ITGA7: variants seen among roughly 807,000 people sequenced by gnomAD.
ITGA7 encodes the protein integrin alpha-7.
ITGA7 carries 84 observed loss-of-function variants against 131.6 expected under a neutral mutation model. The ratio of observed to expected loss-of-function variants is 0.64; its 90% confidence interval spans 0.54 to 0.77. The LOEUF is 0.77. ITGA7 is among the 30% of genes least tolerant of loss of function. ITGA7 has a pLI of 0.00. For synonymous variants in ITGA7, 548 were observed against 600.7 expected, an observed-to-expected ratio of 0.91 and a Z score of 1.28; for missense variants, 1,399 against 1,482.9, an observed-to-expected ratio of 0.94 and a Z score of 0.93.
rs760573345 is a variant in ITGA7, at chr12:55,685,263, T to C, written c.3209A>G (p.His1070Arg). 5 of 1,614,126 alleles carry C rather than the reference T, an allele frequency of 3.1e-6. No individual in the cohort carries two copies. The highest frequency in any genetic ancestry group is 1.1e-5 in the South Asian group (1 of 91,088). Residue 1070 changes from histidine to arginine, a missense_variant, in exon 25 of 25, where the codon CAC becomes CGC. His to Arg is a conservative substitution (Grantham distance 29). Transcript: ENST00000257879. ...WKMGFFKRAK[H>R]PEATVPQYHA... Reference sequence around the variant, plus strand: ...GTACTGGGGCACGGTGGCCTCGGGGTGCTTCGCCCGTTTGAAGAATCCCAT... The same window carrying C: ...GTACTGGGGCACGGTGGCCTCGGGGCGCTTCGCCCGTTTGAAGAATCCCAT...
intron 5 of ITGA7, chr12:55,699,628 C>A: frequency 1.8e-6 from 1 of 566,274 alleles, no homozygotes; most frequent in Non-Finnish European, 3.2e-6. Flanking sequence ...TCTCATTCCA[C>A]CTGAATCTTC....
chr12:55,710,366 G>GA (rs374869765), upstream of ITGA7, among the ~76,000 whole-genome samples: 68 of 138,178 alleles, frequency 4.9e-4, no homozygotes, highest in African/African-American at 1.4e-3. Flanking sequence ...CAGAAAAAAA[G>GA]AAAAAAAAAA....
chr12:55,698,682 C>G (rs1873219955), intron 6 of ITGA7, 28 bp downstream of exon 6: 1 of 1,612,730 alleles, frequency 6.2e-7, no homozygotes, highest in Admixed American at 1.7e-5. Flanking sequence ...CAGCCTCCCT[C>G]AGGTGGCACG....
At chr12:55,700,544 C>A in intron 4 of ITGA7, 1 of 870,362 alleles carries the variant, frequency 1.1e-6, no homozygotes, top group Non-Finnish European at 1.8e-6. Context: ...CTGGGGTCCC[C>A]CAGATGTGGC....
At chr12:55,698,183 C>A (rs1873077962) in intron 7 of ITGA7, 157 bp from the exon 8 acceptor site, 2 of 847,722 alleles carry the variant, frequency 2.4e-6, no homozygotes, top group Non-Finnish European at 3.7e-6. Flanking sequence ...ATCCTCTTGG[C>A]CACTCCCTGC....
At chr12:55,703,722 G>A (rs1480907177) in intron 1 of ITGA7, among the ~76,000 whole-genome samples, 1 of 152,156 alleles carries the variant, frequency 6.6e-6, no homozygotes, top group Non-Finnish European at 1.5e-5. Flanking sequence ...CCTCATCAGG[G>A]ACCCAGCAAA....
rs764107944 is a variant in ITGA7 at position 55,703,100 on chromosome 12, C to CGGGCAAGCG, written c.276_284dup (p.Ala93_Pro95dup). On this transcript the variant is annotated inframe_insertion, in exon 2 of 25. Coordinates refer to ENST00000257879, the MANE Select transcript of ITGA7 (RefSeq NM_002206.3). ...AGCAGTCAGTCTCCTCCAGGCTCAA[C>CGGGCAAGCG]GGGCAAGCGAAGAGGCCTCCAGTGC... The CGGGCAAGCG allele has an allele frequency of 6.2e-7, 1 of 1,614,040 alleles. No individual in the cohort carries two copies. The highest frequency in any genetic ancestry group is 2.2e-5 in the East Asian group (1 of 44,856).
intron 3 of ITGA7, among the ~76,000 whole-genome samples, chr12:55,702,057 C>T (rs1057104753): frequency 6.6e-6 from 1 of 152,166 alleles, no homozygotes; most frequent in Non-Finnish European, 1.5e-5. Context: ...CTCTTGTCTC[C>T]CAGGCTAGGG....
intron 3 of ITGA7, 113 bp downstream of exon 3, chr12:55,702,759 A>G: frequency 2.3e-6 from 2 of 873,968 alleles, no homozygotes; most frequent in Non-Finnish European, 3.8e-6. Context: ...ACTTGGAATC[A>G]TACCATATTC....
intron 24 of ITGA7, among the ~76,000 whole-genome samples, chr12:55,687,487 C>CTTT (rs34640494): frequency 4.7e-4 from 28 of 59,604 alleles, no homozygotes; most frequent in Non-Finnish European, 6.2e-4. Flanking sequence ...CCATGCCCGG[C>CTTT]TTTTTTTTTT....
Position 55,697,465 on chromosome 12 carries a change from G to T in ITGA7, c.1491C>A (p.Gly497=). 4 of 1,613,986 alleles carry T rather than the reference G, an allele frequency of 2.5e-6. No homozygotes were observed. Among genetic ancestry groups the T allele is most frequent in the Non-Finnish European group, 3.4e-6 (4 of 1,179,976 alleles). The stretch of plus-strand genomic sequence containing the variant: ...TCCCACCTCACCAGACCGAGTGGCC[G>T]CCAGCACAGTTGGGCTGCTCCAGGT... The part of the protein sequence containing the change: ...SIDLEQPNCA[G]GHSVCVDLRV... Residue 497 remains glycine (G), a synonymous_variant, in exon 10 of 25, where the codon GGC becomes GGA. Transcript: ENST00000257879.
At chr12:55,714,936 C>T (rs1876408638), upstream of ITGA7, among the ~76,000 whole-genome samples, 1 of 146,536 alleles carries the variant, frequency 6.8e-6, no homozygotes, top group Admixed American at 6.9e-5. Context: ...TCTCGGCTCA[C>T]TGCAACCTCT....
rs762987922 is a variant in ITGA7 at position 55,697,216 on chromosome 12, C to T, written c.1567G>A (p.Ala523Thr). ...GCCACAGAGGGGGGACCGCACTCAC[C>T]CACAGTAGGGCTATAGCTGCTGGGG... ...AVPSSYSPTV[A>T]LDYVLDADTD... The change falls in exon 11 of 25, where the codon GCC becomes ACC. Residue 523 changes from alanine (A) to threonine (T), a missense_variant and splice_region_variant. Transcript: ENST00000257879. The T allele has an allele frequency of 6.3e-7, 1 of 1,596,642 alleles. No homozygotes were observed. The highest frequency in any genetic ancestry group is 1.8e-5 in the Admixed American group (1 of 56,458).
chr12:55,701,393 A>G, intron 3 of ITGA7: 1 of 1,551,830 alleles, frequency 6.4e-7, no homozygotes, highest in Non-Finnish European at 8.7e-7. Context: ...TTGCCCTCAA[A>G]TGGAGATCTC....
At chr12:55,688,716 C>A in intron 22 of ITGA7, 128 bp downstream of exon 22, 1 of 712,156 alleles carries the variant, frequency 1.4e-6, no homozygotes, top group Admixed American at 2.3e-5. Context: ...AAGGAAGACT[C>A]CGTCTCAAAA....
Position 55,693,209 on chromosome 12 carries a change from C to T in ITGA7, c.2644G>A (p.Glu882Lys), listed in dbSNP as rs144983062. ...GKWLLYPMQV[E>K]LEGGQGPGQK... ...CCAGGCCCCTGCCCGCCCTCCAGCT[C>T]AACCTGCATTGGGTACAGCAACCAC... The change falls in exon 20 of 25, where the codon GAG becomes AAG. Residue 882 changes from glutamate to lysine, a missense_variant. Coordinates refer to ENST00000257879, the MANE Select transcript of ITGA7 (RefSeq NM_002206.3). 3.6e-3 allele frequency: 5,765 copies of T among 1,614,078 alleles called. 33 individuals carry two copies. Among genetic ancestry groups the T allele is most frequent in the Middle Eastern group, 0.02 (119 of 6,060 alleles).
intron 21 of ITGA7, among the ~76,000 whole-genome samples, chr12:55,689,207 A>C (rs1870925943): frequency 6.6e-6 from 1 of 152,212 alleles, no homozygotes; most frequent in South Asian, 2.1e-4. Context: ...AGTGATGCTT[A>C]TGTTACCTAA....
In ITGA7 at chr12:55,694,493, G is replaced by A. The variant is rs781670676; in HGVS notation, c.2307C>T (p.Ser769=). 1.7e-5 allele frequency: 27 copies of A among 1,614,210 alleles called. No individual in the cohort carries two copies. In the East Asian group the frequency reaches 1.8e-4, roughly 11 times the overall value. The change falls in exon 17 of 25, where the codon TCC becomes TCT. Residue 769 remains serine, a synonymous_variant. Coordinates refer to ENST00000257879, the MANE Select transcript of ITGA7 (RefSeq NM_002206.3). The surrounding 1 kb of genome is among the most constrained non-coding windows in gnomAD (Gnocchi z 5.3). ...QVTFYLILST[S]GISIETTELE... ...GTTCCGTGGTCTCAATGCTGATCCC[G>A]GAGGTGCTAAGGATGAGGTAGAAGG...
At chr12:55,693,360 C>CTTTTTTTTT (rs56890747) in intron 19 of ITGA7, 43 bp from the exon 20 acceptor site, 1 of 1,221,798 alleles carries the variant, frequency 8.2e-7, no homozygotes. Flanking sequence ...CTCAGTTTTT[C>CTTTTTTTTT]TTTTTTTTTT....
Sources: allele counts gnomAD v4.1 joint callset (sites outside exome capture counted in the v4.1 genomes callset), GRCh38; gene constraint gnomAD v4.1.1; non-coding constraint Gnocchi (gnomAD v3.1); transcripts MANE v1.5; gene names NCBI Gene and HGNC (gene_info 2026-07-23, HGNC 2026-07-21).